NPAS2: variants seen among roughly 807,000 people sequenced by gnomAD.
NPAS2 encodes neuronal PAS domain-containing protein 2.
In NPAS2, 23 loss-of-function variants were observed where a neutral mutation model predicts 107.5. The observed-to-expected ratio is 0.21, with a 90% CI of 0.15 to 0.30. The LOEUF (loss-of-function observed/expected upper bound fraction) is 0.30, where lower values mean the gene tolerates loss of function less well. Ranked by LOEUF, NPAS2 falls within the 10% of genes least tolerant of loss-of-function variation. The pLI, the probability that NPAS2 is intolerant of heterozygous loss-of-function variation, is 1.00. For missense variants in NPAS2, 756 were observed against 1,043.3 expected (o/e 0.72, Z 3.79); for synonymous variants, 403 against 417.5 (o/e 0.97, Z 0.42).
At chr2:100,870,889 C>T (rs987963869) in intron 1 of NPAS2, among the ~76,000 whole-genome samples, 1 of 152,364 alleles carries the variant, frequency 6.6e-6, no homozygotes, top group Non-Finnish European at 1.5e-5. Context: ...AATGCTTCCT[C>T]TCATCTCTGA....
intron 1 of NPAS2, chr2:100,878,748 C>A (rs1405506363): frequency 1.9e-5 from 6 of 319,966 alleles, no homozygotes; most frequent in Non-Finnish European, 2.3e-5. Context: ...TGAAATTCAT[C>A]TGAGTCCAAA....
intron 12 of NPAS2, among the ~76,000 whole-genome samples, chr2:100,971,484 G>C (rs1044626538): frequency 1.3e-5 from 2 of 152,128 alleles, no homozygotes; most frequent in African/African-American, 4.8e-5. Flanking sequence ...GAATTCCAGA[G>C]TCCCTGGTCT....
intron 1 of NPAS2, among the ~76,000 whole-genome samples, chr2:100,843,489 T>A (rs1252997272): frequency 1.3e-5 from 2 of 152,174 alleles, no homozygotes; most frequent in Admixed American, 1.3e-4. Context: ...TATGGGAAGA[T>A]GTTTTGATAG....
rs369584757 is a variant in NPAS2 at position 100,990,337 on chromosome 2, G to A, written c.1909G>A (p.Ala637Thr). 32 of 1,614,098 alleles carry A rather than the reference G, an allele frequency of 2.0e-5. No homozygotes were observed. The highest frequency in any genetic ancestry group is 1.6e-4 in the Middle Eastern group (1 of 6,062). Residue 637 changes from alanine (A) to threonine (T), a missense_variant, in exon 18 of 21, where the codon GCC (alanine) becomes ACC (threonine). Ala to Thr is a moderately conservative substitution (Grantham distance 58). Transcript: ENST00000335681. ...CAGCCTAGTGTCCCCGTTCAGCAGC[G>A]CCACAGCTGCGCTCCCGCCAAGTCT... is the stretch of plus-strand genomic sequence containing the variant. Reference protein sequence around the residue: ...GSSLVSPFSSATAALPPSLNL... With the variant: ...GSSLVSPFSSTTAALPPSLNL...
intron 5 of NPAS2, among the ~76,000 whole-genome samples, chr2:100,940,533 A>G (rs1674511757): frequency 6.6e-6 from 1 of 152,210 alleles, no homozygotes. Flanking sequence ...ACAATGTAGC[A>G]GGCACCATTA....
chr2:100,836,939 C>A (rs1265003993), intron 1 of NPAS2, among the ~76,000 whole-genome samples: 1 of 152,170 alleles, frequency 6.6e-6, no homozygotes, highest in African/African-American at 2.4e-5. Context: ...AGTTCTGGGG[C>A]AGATTTTTCA....
intron 2 of NPAS2, among the ~76,000 whole-genome samples, chr2:100,922,498 C>T (rs1182296066): frequency 6.6e-6 from 1 of 152,000 alleles, no homozygotes; most frequent in Admixed American, 6.6e-5. Flanking sequence ...CAGGAGAATC[C>T]CTTGAACCCG....
In NPAS2 at chr2:100,993,539, G is replaced by A. The variant is rs765195792; in HGVS notation, c.2292+12G>A. 4.6e-6 allele frequency: 7 copies of A among 1,511,756 alleles called. No homozygotes were observed. Among genetic ancestry groups the A allele is most frequent in the South Asian group, 2.5e-5 (2 of 81,088 alleles). The allele number at this position is 1,511,756 out of a possible 1,614,324, so 93.6% of individuals were successfully genotyped here. On this transcript the variant is annotated intron_variant, in intron 20 of 20. Transcript: ENST00000335681. ...AGCACTACCTGCAGGTGGGTGCCAC[G>A]GCCCAGGGGGCCCCCGTGCAGGCCT... is the stretch of plus-strand genomic sequence containing the variant.
At position 100,918,573 on chromosome 2, in the gene NPAS2, T is replaced by C. The variant is rs577938054; in HGVS notation, c.33-6573T>C. 5.9e-5 allele frequency among the ~76,000 whole-genome samples: 9 copies of C among 152,254 alleles called. No homozygotes were observed. In the East Asian group the frequency reaches 1.5e-3, roughly 26 times the overall value. ...AATAGTAAGGAAATAGACAACCCAA[T>C]TTTAAAATGGGCAAAAGATATGAAC... On this transcript the variant is annotated intron_variant, in intron 2 of 20. Transcript: ENST00000335681.
intron 12 of NPAS2, among the ~76,000 whole-genome samples, chr2:100,972,327 G>GAC (rs1306294386): frequency 2.0e-5 from 3 of 152,198 alleles, no homozygotes; most frequent in Non-Finnish European, 4.4e-5. Context: ...TCAACGGAAG[G>GAC]ACACGTCTTA....
chr2:100,878,581 A>C (rs1215085310), intron 1 of NPAS2: 1 of 985,322 alleles, frequency 1.0e-6, no homozygotes, highest in African/African-American at 1.7e-5. Context: ...CGTGTGTGGT[A>C]CATTAAGTTC....
chr2:100,873,355 C>T (rs1259538087), intron 1 of NPAS2, among the ~76,000 whole-genome samples: 1 of 135,552 alleles, frequency 7.4e-6, no homozygotes, highest in Admixed American at 7.6e-5. Flanking sequence ...TATACATACA[C>T]ACATATGTGT....
Position 100,978,726 on chromosome 2 carries a change from G to A in NPAS2, c.1482+927G>A, listed in dbSNP as rs894149553. Among the ~76,000 whole-genome samples, 5 of 152,192 alleles carry A rather than the reference G, an allele frequency of 3.3e-5. No individual in the cohort carries two copies. In the South Asian group the frequency reaches 8.3e-4, roughly 25 times the overall value. ...AGACAGGCATGTAAACAGAGACGCCGCCGTGGCAGGGCATGCGTTTTTATA... is the reference window on the plus strand; with the variant it reads ...AGACAGGCATGTAAACAGAGACGCCACCGTGGCAGGGCATGCGTTTTTATA... On this transcript the variant is annotated intron_variant, in intron 15 of 20. Transcript: ENST00000335681.
At chr2:100,923,346 A>G (rs964159635) in intron 2 of NPAS2, among the ~76,000 whole-genome samples, 1 of 152,210 alleles carries the variant, frequency 6.6e-6, no homozygotes, top group African/African-American at 2.4e-5. Context: ...GAAACAGCCT[A>G]AACTGAGATA....
rs1007023984 is a variant in NPAS2, at chr2:100,996,137, G to T, written c.*555G>T. On this transcript the variant is annotated 3_prime_UTR_variant, in exon 21 of 21. Transcript: ENST00000335681. ...CTGTTTTTTTTAAAAAAATAATAAG[G>T]TCTCATGGCTTCATTTAGAGACCAC... 25 of 341,482 alleles carry T rather than the reference G, an allele frequency of 7.3e-5. No homozygotes were observed. Among genetic ancestry groups the T allele is most frequent in the Non-Finnish European group, 1.1e-4 (22 of 202,450 alleles). The allele number at this position is 341,482 out of a possible 1,614,324, so 21.2% of individuals were successfully genotyped here. A position where few individuals can be genotyped will look rare whatever the true frequency, so the allele number is the denominator to read the frequency against.
intron 1 of NPAS2, among the ~76,000 whole-genome samples, chr2:100,827,715 G>C (rs1255031697): frequency 6.6e-6 from 1 of 152,164 alleles, no homozygotes. Context: ...AAAGGACATG[G>C]CTTCATTCTT....
intron 1 of NPAS2, among the ~76,000 whole-genome samples, chr2:100,840,053 C>T (rs989654495): frequency 5.3e-5 from 8 of 152,132 alleles, no homozygotes; most frequent in African/African-American, 1.7e-4. Context: ...ATGTTAGTGG[C>T]ATTACTCCGT....
At chr2:100,891,553 T>C (rs1190131837) in intron 1 of NPAS2, among the ~76,000 whole-genome samples, 1 of 152,184 alleles carries the variant, frequency 6.6e-6, no homozygotes, top group African/African-American at 2.4e-5. Context: ...TGGGTCCACT[T>C]CAGCTTACAG....
At chr2:100,841,440 CAAAAG>C (rs201981518) in intron 1 of NPAS2, among the ~76,000 whole-genome samples, 161 of 152,236 alleles carry the variant, frequency 1.1e-3, no homozygotes, top group East Asian at 7.1e-3. Context: ...AACTCCGTCT[CAAAAG>C]AAAAGAAAAG....
Sources: gnomAD v4.1 joint callset for allele counts (sites outside exome capture counted in the v4.1 genomes callset) on GRCh38, gnomAD v4.1.1 for gene constraint, MANE v1.5 for transcripts, NCBI Gene and HGNC (gene_info 2026-07-23, HGNC 2026-07-21) for gene names.